TUT4: variants seen among roughly 807,000 people sequenced by gnomAD.
The protein encoded by TUT4 is terminal uridylyltransferase 4.
In TUT4, 36 loss-of-function variants were observed where a neutral mutation model predicts 192.2. That is an observed-to-expected ratio of 0.19 (90% CI 0.14 to 0.25). The LOEUF (loss-of-function observed/expected upper bound fraction) is 0.25, where lower values mean the gene tolerates loss of function less well. TUT4 is among the 10% of genes least tolerant of loss of function. The pLI is 1.00. For synonymous variants in TUT4, 618 were observed against 666.0 expected (o/e 0.93, Z 1.11); for missense variants, 1,493 against 1,957.2 (o/e 0.76, Z 4.47).
Position 52,468,245 on chromosome 1 carries a change from A to G in TUT4, c.2901T>C (p.Ser967=). The stretch of plus-strand genomic sequence containing the variant: ...AAATTTGCTCCCTGTTGTGTTGTTC[A>G]GAACAAGGTGGTGATAACTCATCTG... ...RCFDELSPPC[S]EQHNREQILI... The change falls in exon 15 of 30, where the codon TCT becomes TCC. Residue 967 remains serine, a synonymous_variant. Transcript: ENST00000257177. 6.2e-7 allele frequency: 1 copy of G among 1,605,066 alleles called. No homozygotes were observed. The highest frequency in any genetic ancestry group is 8.5e-7 in the Non-Finnish European group (1 of 1,178,016).
rs559238391 is a variant in TUT4 at position 52,441,750 on chromosome 1, C to G, written c.3823-3415G>C. On this transcript the variant is annotated intron_variant, in intron 24 of 29. Coordinates refer to ENST00000257177, the MANE Select transcript of TUT4 (RefSeq NM_001009881.3). The stretch of plus-strand genomic sequence containing the variant: ...GTACTATATACTTAAAATTGTCTAG[C>G]TTTTTTACTTTTTTCCATTAGTGTA... 6.6e-5 allele frequency among the ~76,000 whole-genome samples: 10 copies of G among 152,174 alleles called. No homozygotes were observed. In the South Asian group the frequency reaches 2.1e-3, roughly 32 times the overall value.
rs563223472 is a variant in TUT4, at chr1:52,490,828, A to G, written c.1319-27T>C. 3 of 1,540,332 alleles carry G rather than the reference A, an allele frequency of 1.9e-6. No homozygotes were observed. In the South Asian group the frequency reaches 3.6e-5, roughly 18 times the overall value. ...TAATAAGGAAAAAAAAAAGTAAGCT[A>G]ATGTCAACATCTCTAAAATACGTAC... is the stretch of plus-strand genomic sequence containing the variant. On this transcript the variant is annotated intron_variant, in intron 7 of 29. Transcript: ENST00000257177.
Position 52,526,356 on chromosome 1 carries a change from C to A in TUT4, c.-76G>T, listed in dbSNP as rs2149467181. On this transcript the variant is annotated 5_prime_UTR_variant, in exon 2 of 30. Coordinates refer to ENST00000257177, the MANE Select transcript of TUT4 (RefSeq NM_001009881.3). ...TCCAGTAGTTTAAATTGCTTCAAGT[C>A]CAGTTTAGGCAAGCAAACTATTGGG... 1 of 1,268,052 alleles carries A rather than the reference C, an allele frequency of 7.9e-7. No homozygotes were observed. Among genetic ancestry groups the A allele is most frequent in the Non-Finnish European group, 1.0e-6 (1 of 985,354 alleles). The allele number at this position is 1,268,052 out of a possible 1,614,324, so 78.6% of individuals were successfully genotyped here.
intron 24 of TUT4, among the ~76,000 whole-genome samples, chr1:52,443,206 C>G (rs1479181553): frequency 6.6e-6 from 1 of 150,732 alleles, no homozygotes; most frequent in Non-Finnish European, 1.5e-5. Context: ...TCGCTTGAAC[C>G]TGGGAGGCAG....
chr1:52,553,301 G>C (rs1252079772), upstream of TUT4: 2 of 149,964 alleles, frequency 1.3e-5, no homozygotes, highest in African/African-American at 4.9e-5. Flanking sequence ...CCCTCCCTTC[G>C]TTCGGGGGGC....
At chr1:52,454,483 ATTCTT>A (rs1479978664) in intron 20 of TUT4, among the ~76,000 whole-genome samples, 9 of 152,356 alleles carry the variant, frequency 5.9e-5, no homozygotes, top group Admixed American at 2.0e-4. Flanking sequence ...GAGAAATAAT[ATTCTT>A]TTCAACAAAT....
Position 52,431,435 on chromosome 1 carries a change from TGAG to T in TUT4, c.4286_4288del (p.Pro1429del), listed in dbSNP as rs1428573731. Reference sequence around the variant, plus strand: ...AGAGTTCTGTGGAAATGGCTGAGGCTGAGGAGAATAAGATGGTGATTCAGACTG... The same window carrying T: ...AGAGTTCTGTGGAAATGGCTGAGGCTGAGAATAAGATGGTGATTCAGACTG... On this transcript the variant is annotated inframe_deletion, in exon 28 of 30. Transcript: ENST00000257177. 6.2e-7 allele frequency: 1 copy of T among 1,611,438 alleles called. No individual in the cohort carries two copies.
At chr1:52,484,885 G>A (rs1211423120) in intron 9 of TUT4, among the ~76,000 whole-genome samples, 2 of 152,220 alleles carry the variant, frequency 1.3e-5, no homozygotes, top group South Asian at 2.1e-4. Flanking sequence ...ACCCGTCTGA[G>A]CTTAAATATC....
chr1:52,537,842 G>A (rs926742982), intron 1 of TUT4, among the ~76,000 whole-genome samples: 2 of 152,064 alleles, frequency 1.3e-5, no homozygotes, highest in African/African-American at 4.8e-5. Context: ...GAACCGAGAA[G>A]GCAGTTTGCT....
chr1:52,432,348 G>C (rs918633828), intron 27 of TUT4: 1 of 152,134 alleles, frequency 6.6e-6, no homozygotes, highest in African/African-American at 2.4e-5. Flanking sequence ...CAATATGATT[G>C]AAGGTCTAGA....
intron 24 of TUT4, among the ~76,000 whole-genome samples, chr1:52,445,349 T>C (rs1657228138): frequency 6.6e-6 from 1 of 152,150 alleles, no homozygotes; most frequent in African/African-American, 2.4e-5. Flanking sequence ...TAATAAAATA[T>C]TTCTTCGGTT....
Position 52,477,867 on chromosome 1 carries a change from C to T in TUT4, c.1864G>A (p.Glu622Lys). ...CCCAAGGATACCCGATTTGGTGTTT[C>T]CAATGCTAAAGGAGACTGGAAAAGA... is the stretch of plus-strand genomic sequence containing the variant. ...EKHGKSPLAL[E>K]TPNRVSLGQL... Residue 622 changes from glutamate to lysine, a missense_variant, in exon 12 of 30, where the codon GAA becomes AAA. Glu to Lys is a moderately conservative substitution (Grantham distance 56). Transcript: ENST00000257177. 6.2e-7 allele frequency: 1 copy of T among 1,607,292 alleles called. No individual in the cohort carries two copies. The highest frequency in any genetic ancestry group is 8.5e-7 in the Non-Finnish European group (1 of 1,177,764).
intron 1 of TUT4, chr1:52,529,623 A>G (rs986373443): frequency 2.0e-5 from 3 of 152,234 alleles, no homozygotes; most frequent in Non-Finnish European, 4.4e-5. Flanking sequence ...AACAACAAAG[A>G]TTTGAAATAA....
intron 1 of TUT4, among the ~76,000 whole-genome samples, chr1:52,544,887 T>C (rs1687663825): frequency 6.6e-6 from 1 of 151,722 alleles, no homozygotes; most frequent in Non-Finnish European, 1.5e-5. Context: ...TGAGACCCTG[T>C]CTCTACAAAA....
At chr1:52,490,150 CTTTT>C (rs34451806) in intron 8 of TUT4, among the ~76,000 whole-genome samples, 1 of 120,374 alleles carries the variant, frequency 8.3e-6, no homozygotes. Flanking sequence ...AGAAGAGAGG[CTTTT>C]TTTTTTTTTT....
chr1:52,456,411 CAAAAAA>C (rs1157223640), intron 20 of TUT4, among the ~76,000 whole-genome samples: 1 of 12,000 alleles, frequency 8.3e-5, no homozygotes, highest in African/African-American at 2.1e-4. Flanking sequence ...GACTGTGTCT[CAAAAAA>C]AAAAAAAAAA....
chr1:52,439,066 T>C (rs1346651724), intron 24 of TUT4, among the ~76,000 whole-genome samples: 1 of 111,058 alleles, frequency 9.0e-6, no homozygotes, highest in Non-Finnish European at 1.8e-5. Context: ...CAAGACTCCA[T>C]CTAAAAAAAA....
intron 20 of TUT4, among the ~76,000 whole-genome samples, chr1:52,452,632 C>T (rs1659769220): frequency 1.3e-5 from 2 of 152,202 alleles, no homozygotes; most frequent in Non-Finnish European, 2.9e-5. Flanking sequence ...GATAGCTGAA[C>T]ACATGGAGGT....
At chr1:52,491,185 A>G (rs1363958336) in intron 7 of TUT4, among the ~76,000 whole-genome samples, 1 of 152,182 alleles carries the variant, frequency 6.6e-6, no homozygotes, top group Non-Finnish European at 1.5e-5. Context: ...TGAAAGGAGG[A>G]CCTATCATGC....
Sources: gnomAD v4.1 joint callset for allele counts (sites outside exome capture counted in the v4.1 genomes callset) on GRCh38, gnomAD v4.1.1 for gene constraint, MANE v1.5 for transcripts, NCBI Gene and HGNC (gene_info 2026-07-23, HGNC 2026-07-21) for gene names.